Variants in ADARB2 observed in about 807,000 individuals in gnomAD.
ADARB2 encodes the protein adenosine deaminase RNA specific B2 (inactive), also known as inactive double-stranded RNA-specific editase B2.
In ADARB2, 25 loss-of-function variants were observed where a neutral mutation model predicts 62.2. That is an observed-to-expected ratio of 0.40 (90% confidence interval 0.29 to 0.56). The LOEUF (loss-of-function observed/expected upper bound fraction) is 0.56. ADARB2 is among the 20% of genes least tolerant of loss of function. The pLI is 0.43. For synonymous variants in ADARB2, 572 were observed against 500.8 expected (o/e 1.14, Z -1.90); for missense variants, 1,071 against 1,077.4 (o/e 0.99, Z 0.08).
Position 1,675,887 on chromosome 10 carries a change from G to T in ADARB2, c.100+61164C>A, listed in dbSNP as rs570160847. 1.5e-5 allele frequency: 11 copies of T among 753,928 alleles called. No individual in the cohort carries two copies. In the African/African-American group the frequency reaches 1.9e-4, roughly 13 times the overall value. The allele number at this position is 753,928 out of a possible 1,614,324, so 46.7% of individuals were successfully genotyped here. ...CAGAGGCCAGCCTCAGCTCTGAGTG[G>T]CAGCTCAGAGGAAGGGGCTGCAGAG... On this transcript the variant is annotated intron_variant, in intron 1 of 9. Transcript: ENST00000381312.
chr10:1,203,145 G>GA (rs536991032), intron 7 of ADARB2, among the ~76,000 whole-genome samples: 6 of 151,910 alleles, frequency 3.9e-5, no homozygotes, highest in Admixed American at 3.3e-4. Context: ...AATGTTGACA[G>GA]AAAAAAAACC....
chr10:1,411,589 C>T (rs1041455031), intron 1 of ADARB2, among the ~76,000 whole-genome samples: 6 of 152,236 alleles, frequency 3.9e-5, no homozygotes, highest in Non-Finnish European at 8.8e-5. Context: ...AAGCGACAGG[C>T]ACCACAGATG....
chr10:1,565,066 G>A (rs1298973613), intron 1 of ADARB2, among the ~76,000 whole-genome samples: 1 of 152,246 alleles, frequency 6.6e-6, no homozygotes, highest in East Asian at 1.9e-4. Context: ...CGCTCTCCTC[G>A]CCTGGAATGA....
intron 1 of ADARB2, among the ~76,000 whole-genome samples, chr10:1,425,721 C>A (rs1564286383): frequency 6.6e-6 from 1 of 152,250 alleles, no homozygotes; most frequent in South Asian, 2.1e-4. Context: ...CAGTCCTTGC[C>A]TTTCTCTGAC....
At chr10:1,301,171 C>T (rs930994890) in intron 3 of ADARB2, among the ~76,000 whole-genome samples, 3 of 152,192 alleles carry the variant, frequency 2.0e-5, no homozygotes, top group African/African-American at 7.2e-5. Context: ...AAAATCGTGG[C>T]ACAGGGATTT....
intron 1 of ADARB2, among the ~76,000 whole-genome samples, chr10:1,549,419 G>T (rs1832580405): frequency 6.6e-6 from 1 of 152,134 alleles, no homozygotes; most frequent in Non-Finnish European, 1.5e-5. Flanking sequence ...TATTCCAAAG[G>T]TATATTTGTG....
intron 1 of ADARB2, among the ~76,000 whole-genome samples, chr10:1,501,079 T>TTCATCAAGACCA (rs1192384301): frequency 6.6e-6 from 1 of 152,168 alleles, no homozygotes; most frequent in Non-Finnish European, 1.5e-5. Flanking sequence ...TTCATCATGT[T>TTCATCAAGACCA]GGTCAGGCTG....
chr10:1,725,818 A>C (rs535809190), intron 1 of ADARB2, among the ~76,000 whole-genome samples: 1 of 152,368 alleles, frequency 6.6e-6, no homozygotes, highest in African/African-American at 2.4e-5. Flanking sequence ...ACACTAAGGA[A>C]TCAGCTCATC....
At chr10:1,659,639 G>A (rs889584952) in intron 1 of ADARB2, among the ~76,000 whole-genome samples, 1 of 152,250 alleles carries the variant, frequency 6.6e-6, no homozygotes, top group East Asian at 1.9e-4. Flanking sequence ...AACTTTCAGA[G>A]CCTGGTGAAC....
At chr10:1,490,339 C>T (rs905668824) in intron 1 of ADARB2, among the ~76,000 whole-genome samples, 1 of 152,132 alleles carries the variant, frequency 6.6e-6, no homozygotes, top group African/African-American at 2.4e-5. Flanking sequence ...GTTAAGATAA[C>T]CTTATATCTG....
chr10:1,703,295 G>T (rs530676799), intron 1 of ADARB2, among the ~76,000 whole-genome samples: 13 of 152,260 alleles, frequency 8.5e-5, no homozygotes, highest in African/African-American at 2.4e-4. Context: ...ACCTGATGAG[G>T]AGGGTGACAT....
intron 4 of ADARB2, among the ~76,000 whole-genome samples, chr10:1,265,994 C>T (rs1279156703): frequency 3.1e-5 from 4 of 129,186 alleles, no homozygotes; most frequent in Admixed American, 1.5e-4. Context: ...GTCAGGTCCA[C>T]GCTCCCCCGG....
Position 1,467,103 on chromosome 10 carries a change from G to A in ADARB2, c.101-87943C>T, listed in dbSNP as rs551544295. On this transcript the variant is annotated intron_variant, in intron 1 of 9. Coordinates refer to ENST00000381312, the MANE Select transcript of ADARB2 (RefSeq NM_018702.4). ...TCCTGCCACACTTTGATCCATTCTC[G>A]TAAAGCAGGAGAGAGACTCCTTGGT... 1.6e-4 allele frequency among the ~76,000 whole-genome samples: 25 copies of A among 152,026 alleles called. No individual in the cohort carries two copies. In the East Asian group the frequency reaches 2.3e-3, roughly 14 times the overall value.
chr10:1,430,118 A>G lies in ADARB2; in HGVS notation c.101-50958T>C, dbSNP rs1446401029. Among the ~76,000 whole-genome samples, 4 of 152,210 alleles carry G rather than the reference A, an allele frequency of 2.6e-5. No homozygotes were observed. In the South Asian group the frequency reaches 8.3e-4, roughly 32 times the overall value. On this transcript the variant is annotated intron_variant, in intron 1 of 9. Coordinates refer to ENST00000381312, the MANE Select transcript of ADARB2 (RefSeq NM_018702.4). Reference sequence around the variant, plus strand: ...TTTAGAAAGTATGGAGTGTAAGAGAACTAAGTGAAAGTGAACTTTCTATGC... The same window carrying G: ...TTTAGAAAGTATGGAGTGTAAGAGAGCTAAGTGAAAGTGAACTTTCTATGC...
chr10:1,637,506 G>A (rs914649825), intron 1 of ADARB2, among the ~76,000 whole-genome samples: 1 of 152,156 alleles, frequency 6.6e-6, no homozygotes, highest in African/African-American at 2.4e-5. Context: ...CCTCAATGCA[G>A]AATTTCAGGG....
chr10:1,357,815 CA>C (rs1326910963), intron 3 of ADARB2, among the ~76,000 whole-genome samples: 1 of 152,222 alleles, frequency 6.6e-6, no homozygotes, highest in African/African-American at 2.4e-5. Flanking sequence ...TTGTTGTAGA[CA>C]CACGAGCCCC....
At chr10:1,499,835 C>A (rs1415332421) in intron 1 of ADARB2, among the ~76,000 whole-genome samples, 2 of 152,054 alleles carry the variant, frequency 1.3e-5, no homozygotes, top group African/African-American at 4.8e-5. Flanking sequence ...ACTTAACACT[C>A]ATTCATTACT....
Position 1,384,889 on chromosome 10 carries a change from G to A in ADARB2, c.101-5729C>T, listed in dbSNP as rs192349191. 2.8e-4 allele frequency among the ~76,000 whole-genome samples: 42 copies of A among 152,256 alleles called. No individual in the cohort carries two copies. In the East Asian group the frequency reaches 7.3e-3, roughly 27 times the overall value. ...CAGAGAGCAGTGGCTGGGGACCTGC[G>A]AGCTGAATGAAAATTCAAATGATGG... On this transcript the variant is annotated intron_variant, in intron 1 of 9. Coordinates refer to ENST00000381312, the MANE Select transcript of ADARB2 (RefSeq NM_018702.4).
chr10:1,269,305 G>A (rs1454614252), intron 4 of ADARB2, among the ~76,000 whole-genome samples: 3 of 152,288 alleles, frequency 2.0e-5, no homozygotes, highest in South Asian at 4.2e-4. Flanking sequence ...GATTTAAATT[G>A]TTCTGTATGA....
Sources: allele counts gnomAD v4.1 joint callset (sites outside exome capture counted in the v4.1 genomes callset), GRCh38; gene constraint gnomAD v4.1.1; transcripts MANE v1.5; gene names NCBI Gene and HGNC (gene_info 2026-07-23, HGNC 2026-07-21).